The following USH2A variants were observed in gnomAD, a reference collection of about 807,000 sequenced individuals.
The protein encoded by USH2A is usherin.
In USH2A, 443 loss-of-function variants were observed where a neutral mutation model predicts 538.9. That is an observed-to-expected ratio of 0.82 (90% CI 0.76 to 0.89). USH2A has a LOEUF of 0.89. Ranked by LOEUF, USH2A falls within the 40% of genes least tolerant of loss-of-function variation. The pLI, the probability that USH2A is intolerant of heterozygous loss-of-function variation, is 0.00. For missense variants in USH2A, 6,633 were observed against 6,324.8 expected, an observed-to-expected ratio of 1.05 and a Z score of -1.65; for synonymous variants, 2,413 against 2,273.5, an observed-to-expected ratio of 1.06 and a Z score of -1.75.
intron 37 of USH2A, among the ~76,000 whole-genome samples, chr1:215,963,965 T>C (rs1667266069): frequency 6.6e-6 from 1 of 152,154 alleles, no homozygotes; most frequent in Admixed American, 6.6e-5. Context: ...AGAATACATT[T>C]TCTACAAGGG....
intron 43 of USH2A, among the ~76,000 whole-genome samples, chr1:215,875,939 AAT>A (rs1664756020): frequency 6.8e-6 from 1 of 146,850 alleles, no homozygotes; most frequent in Non-Finnish European, 1.5e-5. Flanking sequence ...TATTATATAT[AAT>A]TAATAATGTA....
chr1:215,750,850 ATTAAG>A (rs1332552639), intron 58 of USH2A, among the ~76,000 whole-genome samples: 3 of 152,178 alleles, frequency 2.0e-5, no homozygotes, highest in African/African-American at 4.8e-5. Context: ...GACATACTAT[ATTAAG>A]TTATTATGAA....
chr1:216,046,280 A>T, intron 32 of USH2A, 151 bp downstream of exon 32: 1 of 770,282 alleles, frequency 1.3e-6, no homozygotes, highest in Non-Finnish European at 2.1e-6. Flanking sequence ...ATTATTTTTA[A>T]TTGTTCTGTT....
chr1:215,755,021 A>G (rs755211401), intron 58 of USH2A, among the ~76,000 whole-genome samples: 1 of 152,140 alleles, frequency 6.6e-6, no homozygotes, highest in Non-Finnish European at 1.5e-5. Context: ...TTGGCACGCC[A>G]CTACACACCC....
intron 37 of USH2A, among the ~76,000 whole-genome samples, chr1:215,950,417 C>T (rs1666883469): frequency 6.6e-6 from 1 of 151,164 alleles, no homozygotes; most frequent in African/African-American, 2.4e-5. Flanking sequence ...GATCTCAATA[C>T]ATTATATATG....
At chr1:215,795,894 C>A (rs1662118547) in intron 50 of USH2A, among the ~76,000 whole-genome samples, 1 of 152,038 alleles carries the variant, frequency 6.6e-6, no homozygotes, top group South Asian at 2.1e-4. Flanking sequence ...ATGGGTTTTA[C>A]CTGTTGATAT....
chr1:216,300,986 G>A (rs1040760961), intron 9 of USH2A, among the ~76,000 whole-genome samples: 1 of 151,894 alleles, frequency 6.6e-6, no homozygotes, highest in Non-Finnish European at 1.5e-5. Context: ...CTGACTTCAA[G>A]TGATCCGCCC....
chr1:216,115,592 C>T (rs924442176), intron 21 of USH2A, among the ~76,000 whole-genome samples: 7 of 152,080 alleles, frequency 4.6e-5, no homozygotes, highest in African/African-American at 1.7e-4. Context: ...AAAAATGCTT[C>T]TTATTCAGAA....
chr1:216,006,408 A>G (rs1457761769), intron 32 of USH2A, among the ~76,000 whole-genome samples: 1 of 152,142 alleles, frequency 6.6e-6, no homozygotes, highest in African/African-American at 2.4e-5. Flanking sequence ...TTGATCATCC[A>G]TTACAAAGCC....
At position 215,844,282 on chromosome 1, in the gene USH2A, C is replaced by T; in HGVS notation, c.9258+12G>A. ...ATCCATAAGCCTAACCATCAAAAAACAATGTTCTAACCTGAATGTCATAGA... is the reference window on the plus strand; with the variant it reads ...ATCCATAAGCCTAACCATCAAAAAATAATGTTCTAACCTGAATGTCATAGA... On this transcript the variant is annotated intron_variant, in intron 46 of 71. Transcript: ENST00000307340. 6.2e-7 allele frequency: 1 copy of T among 1,612,846 alleles called. No individual in the cohort carries two copies. Among genetic ancestry groups the T allele is most frequent in the South Asian group, 1.1e-5 (1 of 91,048 alleles).
rs987511243 is a variant in USH2A at position 215,650,695 on chromosome 1, G to A, written c.14240C>T (p.Ser4747Phe). ...GATGTTGACCACTGCTTGGGTAGAA[G>A]AGATCACATGGAACGTGGGGGCTCT... is the stretch of plus-strand genomic sequence containing the variant. ...GLRAPTFHVI[S>F]STQAVVNISA... The change falls in exon 65 of 72, where the codon TCT (serine) becomes TTT (phenylalanine). Residue 4747 changes from serine (S) to phenylalanine (F), a missense_variant. Transcript: ENST00000307340. The A allele has an allele frequency of 6.2e-7, 1 of 1,614,068 alleles. No homozygotes were observed. The highest frequency in any genetic ancestry group is 8.5e-7 in the Non-Finnish European group (1 of 1,180,012).
intron 11 of USH2A, among the ~76,000 whole-genome samples, chr1:216,269,401 T>C (rs569972732): frequency 6.6e-6 from 1 of 152,220 alleles, no homozygotes; most frequent in South Asian, 2.1e-4. Context: ...TCCCCAGCCA[T>C]GTGGAACTGT....
intron 61 of USH2A, among the ~76,000 whole-genome samples, chr1:215,713,450 T>G (rs1311228481): frequency 6.6e-6 from 1 of 152,228 alleles, no homozygotes; most frequent in Non-Finnish European, 1.5e-5. Context: ...TTTTGATTTT[T>G]TTTTTAAATC....
At chr1:216,264,441 G>T (rs921978576) in intron 11 of USH2A, among the ~76,000 whole-genome samples, 2 of 152,012 alleles carry the variant, frequency 1.3e-5, no homozygotes, top group African/African-American at 4.8e-5. Context: ...GAGATTACAG[G>T]TGCCCGCCAC....
At position 216,097,197 on chromosome 1, in the gene USH2A, A is replaced by C. The variant is rs2032461643; in HGVS notation, c.4644T>G (p.Phe1548Leu). The C allele has an allele frequency of 6.2e-7, 1 of 1,614,060 alleles. No individual in the cohort carries two copies. The change falls in exon 22 of 72, where the codon TTT (phenylalanine) becomes TTG (leucine). Residue 1548 changes from phenylalanine to leucine, a missense_variant. Physicochemically the swap from Phe to Leu is conservative, Grantham distance 22. Transcript: ENST00000307340. ...NTDFTGIKAS[F>L]RTKVPEGLIV... ...TCAAACCTTCAGGCACTTTTGTTCGAAAGCTGGCCTTAATGCCTGGTAAGA... is the reference window on the plus strand; with the variant it reads ...TCAAACCTTCAGGCACTTTTGTTCGCAAGCTGGCCTTAATGCCTGGTAAGA...
intron 4 of USH2A, among the ~76,000 whole-genome samples, chr1:216,356,725 G>T (rs1234381402): frequency 6.6e-6 from 1 of 151,958 alleles, no homozygotes; most frequent in Non-Finnish European, 1.5e-5. Context: ...CCTTTTTGAA[G>T]TTTTTAACTG....
chr1:215,979,832 G>GC (rs905711269), intron 35 of USH2A, among the ~76,000 whole-genome samples: 1 of 152,224 alleles, frequency 6.6e-6, no homozygotes, highest in African/African-American at 2.4e-5. Context: ...TCTCATAAAA[G>GC]CCTACTTCCA....
At chr1:215,993,509 AACACAC>A (rs66804361) in intron 34 of USH2A, among the ~76,000 whole-genome samples, 34 of 146,454 alleles carry the variant, frequency 2.3e-4, no homozygotes, top group East Asian at 1.2e-3. Flanking sequence ...GAGTGAATTA[AACACAC>A]ACACACACAC....
chr1:216,174,422 G>C, intron 21 of USH2A: 2 of 985,272 alleles, frequency 2.0e-6, no homozygotes, highest in Non-Finnish European at 2.4e-6. Flanking sequence ...GAGGTCATGG[G>C]ACTTCCAAAA....
Sources: gnomAD v4.1 joint callset for allele counts (sites outside exome capture counted in the v4.1 genomes callset) on GRCh38, gnomAD v4.1.1 for gene constraint, MANE v1.5 for transcripts, NCBI Gene and HGNC (gene_info 2026-07-23, HGNC 2026-07-21) for gene names.